HCN1: variants seen among roughly 807,000 people sequenced by gnomAD.
HCN1 encodes potassium/sodium hyperpolarization-activated cyclic nucleotide-gated channel 1.
Under a neutral mutation model 78.9 loss-of-function variants are expected in HCN1, and 13 were observed. The observed-to-expected ratio is 0.16, with a 90% CI of 0.11 to 0.26. The LOEUF is 0.26. HCN1 is among the 10% of genes least tolerant of loss of function. The pLI, the probability that HCN1 is intolerant of heterozygous loss-of-function variation, is 1.00. For synonymous variants in HCN1, 552 were observed against 455.5 expected, an observed-to-expected ratio of 1.21 and a Z score of -2.70; for missense variants, 810 against 1,154.3, an observed-to-expected ratio of 0.70 and a Z score of 4.32.
At chr5:45,625,752 G>T (rs1745152309) in intron 2 of HCN1, among the ~76,000 whole-genome samples, 1 of 151,534 alleles carries the variant, frequency 6.6e-6, no homozygotes, top group African/African-American at 2.4e-5. Flanking sequence ...AAATTGTAAT[G>T]AGCTAAGCTT....
chr5:45,298,420 G>A lies in HCN1; in HGVS notation c.1618+5179C>T, dbSNP rs796744194. Reference sequence around the variant, plus strand: ...TTGAAGAAATGAATAATTTTAGACTGATAGGAACTATTCAAGATGAGCCAG... The same window carrying A: ...TTGAAGAAATGAATAATTTTAGACTAATAGGAACTATTCAAGATGAGCCAG... On this transcript the variant is annotated intron_variant, in intron 6 of 7. Transcript: ENST00000303230. Among the ~76,000 whole-genome samples the A allele has an allele frequency of 7.2e-5, 11 of 151,964 alleles. 1 individual carries two copies. Among genetic ancestry groups the A allele is most frequent in the African/African-American group, 2.7e-4 (11 of 41,506 alleles).
intron 2 of HCN1, among the ~76,000 whole-genome samples, chr5:45,581,929 T>C (rs539083634): frequency 6.6e-6 from 1 of 152,324 alleles, no homozygotes; most frequent in East Asian, 1.9e-4. Flanking sequence ...TGTAGCCTTG[T>C]AGTACAGTTT....
At chr5:45,300,402 C>T (rs1745587430) in intron 6 of HCN1, among the ~76,000 whole-genome samples, 1 of 151,956 alleles carries the variant, frequency 6.6e-6, no homozygotes, top group African/African-American at 2.4e-5. Context: ...CCTCTTCATC[C>T]TACTCAACAT....
chr5:45,675,950 T>C (rs926222816), intron 1 of HCN1, among the ~76,000 whole-genome samples: 5 of 151,766 alleles, frequency 3.3e-5, no homozygotes, highest in African/African-American at 1.2e-4. Flanking sequence ...CCAAGGATTA[T>C]CACACTTCAC....
chr5:45,546,450 A>G (rs1743230489), intron 2 of HCN1, among the ~76,000 whole-genome samples: 1 of 151,954 alleles, frequency 6.6e-6, no homozygotes, highest in African/African-American at 2.4e-5. Flanking sequence ...TGGACCATTT[A>G]GAAATTCTAC....
At chr5:45,515,883 A>G (rs1445599108) in intron 2 of HCN1, among the ~76,000 whole-genome samples, 1 of 152,000 alleles carries the variant, frequency 6.6e-6, no homozygotes, top group Non-Finnish European at 1.5e-5. Context: ...TAAACCCATC[A>G]AAATGCTGTA....
chr5:45,638,933 C>T (rs1436048515), intron 2 of HCN1, among the ~76,000 whole-genome samples: 1 of 152,104 alleles, frequency 6.6e-6, no homozygotes, highest in South Asian at 2.1e-4. Context: ...GAACTCATTA[C>T]ATTGTACATT....
In HCN1 at chr5:45,524,563, G is replaced by A. The variant is rs200848896; in HGVS notation, c.850-62556C>T. 5.7e-3 allele frequency among the ~76,000 whole-genome samples: 860 copies of A among 152,150 alleles called. 25 individuals carry two copies. Among genetic ancestry groups the A allele is most frequent in the Admixed American group, 0.046 (709 of 15,266 alleles). On this transcript the variant is annotated intron_variant, in intron 2 of 7. Transcript: ENST00000303230. ...AGTGGTTTGTAGTTCTCCTTGAAGA[G>A]GTCCTTCATGTCCCTTGTAAGTTGG...
At chr5:45,525,553 AAATAAGAACAAAAT>A (rs1368276427) in intron 2 of HCN1, among the ~76,000 whole-genome samples, 24 of 151,930 alleles carry the variant, frequency 1.6e-4, no homozygotes, top group African/African-American at 5.8e-4. Context: ...ATTCTATTTT[AAATAAGAACAAAAT>A]AGGGAGTAAT....
chr5:45,385,944 A>G (rs1052403181), intron 4 of HCN1, among the ~76,000 whole-genome samples: 6 of 152,104 alleles, frequency 3.9e-5, no homozygotes, highest in Admixed American at 6.5e-5. Flanking sequence ...CTCCTGCCAG[A>G]TACCACTAAA....
At chr5:45,352,567 G>A (rs1334550695) in intron 5 of HCN1, among the ~76,000 whole-genome samples, 1 of 151,880 alleles carries the variant, frequency 6.6e-6, no homozygotes. Flanking sequence ...CCAAGAGCAA[G>A]TTATTTTGGT....
intron 1 of HCN1, among the ~76,000 whole-genome samples, chr5:45,682,323 A>G (rs987267414): frequency 1.8e-4 from 27 of 149,114 alleles, no homozygotes; most frequent in Middle Eastern, 3.5e-3. Flanking sequence ...AAAACTACAT[A>G]AAACCAAGCA....
At chr5:45,322,119 C>A (rs1044291095) in intron 5 of HCN1, among the ~76,000 whole-genome samples, 5 of 151,784 alleles carry the variant, frequency 3.3e-5, no homozygotes, top group Non-Finnish European at 7.4e-5. Context: ...GTGACATAGT[C>A]ACAAATGTTT....
At chr5:45,464,804 T>C (rs577257689) in intron 2 of HCN1, among the ~76,000 whole-genome samples, 79 of 140,586 alleles carry the variant, frequency 5.6e-4, no homozygotes, top group Admixed American at 1.1e-3. Flanking sequence ...TTAATAGCCC[T>C]GTTAAAACTT....
At chr5:45,420,551 C>T (rs1740206450) in intron 3 of HCN1, among the ~76,000 whole-genome samples, 1 of 152,118 alleles carries the variant, frequency 6.6e-6, no homozygotes, top group Non-Finnish European at 1.5e-5. Context: ...GTGATCGTGG[C>T]AGGCTGGTGC....
chr5:45,413,070 G>A (rs762869926), intron 3 of HCN1, among the ~76,000 whole-genome samples: 5 of 152,018 alleles, frequency 3.3e-5, no homozygotes, highest in Non-Finnish European at 7.4e-5. Context: ...TTATGGTGAA[G>A]TGACATGCTA....
chr5:45,425,556 A>T (rs1007110356), intron 3 of HCN1, among the ~76,000 whole-genome samples: 1 of 152,212 alleles, frequency 6.6e-6, no homozygotes, highest in Non-Finnish European at 1.5e-5. Context: ...AGAGGGCAGG[A>T]GAAATAAAGA....
chr5:45,272,337 T>G (rs1744976423), intron 6 of HCN1, among the ~76,000 whole-genome samples: 1 of 152,106 alleles, frequency 6.6e-6, no homozygotes, highest in South Asian at 2.1e-4. Flanking sequence ...TACTATCCTT[T>G]AGGTACCTTA....
intron 2 of HCN1, among the ~76,000 whole-genome samples, chr5:45,587,107 T>C (rs779560560): frequency 1.3e-5 from 2 of 152,176 alleles, no homozygotes; most frequent in Non-Finnish European, 2.9e-5. Context: ...GGTGGGACCG[T>C]AAACTAGTTC....
Sources: gnomAD v4.1 joint callset for allele counts (sites outside exome capture counted in the v4.1 genomes callset) on GRCh38, gnomAD v4.1.1 for gene constraint, MANE v1.5 for transcripts, NCBI Gene and HGNC (gene_info 2026-07-23, HGNC 2026-07-21) for gene names.